Variants in LMX1A observed in about 807,000 individuals in gnomAD.
LMX1A encodes the protein LIM homeobox transcription factor 1-alpha.
LMX1A carries 15 observed loss-of-function variants against 49.1 expected under a neutral mutation model. The ratio of observed to expected loss-of-function variants is 0.31; its 90% CI spans 0.20 to 0.47. The LOEUF is 0.47. LMX1A is among the 20% of genes least tolerant of loss of function. The pLI is 1.00. For synonymous variants in LMX1A, 167 were observed against 185.7 expected (o/e 0.90, Z 0.82); for missense variants, 372 against 475.8 (o/e 0.78, Z 2.03).
At chr1:165,338,306 C>T (rs1655964914) in intron 3 of LMX1A, among the ~76,000 whole-genome samples, 1 of 152,184 alleles carries the variant, frequency 6.6e-6, no homozygotes, top group South Asian at 2.1e-4. Context: ...CAGGGCAAAG[C>T]TGAAATCACT....
chr1:165,214,358 T>C (rs959234526), intron 4 of LMX1A, among the ~76,000 whole-genome samples: 2 of 152,254 alleles, frequency 1.3e-5, no homozygotes, highest in Non-Finnish European at 2.9e-5. Context: ...CATGCAGAAC[T>C]GCAAGTCAAT....
chr1:165,213,501 C>T (rs1651509496), intron 5 of LMX1A, 140 bp downstream of exon 5: 2 of 764,638 alleles, frequency 2.6e-6, no homozygotes, highest in Non-Finnish European at 4.3e-6. Context: ...CTCCAACAGG[C>T]TTGAGCCGCC....
At chr1:165,224,371 A>G (rs571778223) in intron 4 of LMX1A, among the ~76,000 whole-genome samples, 1 of 152,320 alleles carries the variant, frequency 6.6e-6, no homozygotes, top group South Asian at 2.1e-4. Flanking sequence ...AGACTAATAC[A>G]GCAAAAATTC....
chr1:165,263,606 G>A (rs1489697904), intron 3 of LMX1A, among the ~76,000 whole-genome samples: 1 of 152,134 alleles, frequency 6.6e-6, no homozygotes, highest in Non-Finnish European at 1.5e-5. Flanking sequence ...TTCCTCAATG[G>A]ACCACTTGCT....
intron 3 of LMX1A, among the ~76,000 whole-genome samples, chr1:165,263,342 T>C (rs74118538): frequency 0.031 from 4,707 of 152,230 alleles, 232 homozygotes; most frequent in African/African-American, 0.11. Flanking sequence ...CCCACCTCAC[T>C]CTGGCTCCAA....
chr1:165,242,946 AAC>A lies in LMX1A; in HGVS notation c.496+6460_496+6461del, dbSNP rs1440280855. 7.4e-4 allele frequency among the ~76,000 whole-genome samples: 105 copies of A among 142,574 alleles called. 3 individuals are homozygous for A. The highest frequency in any genetic ancestry group is 1.9e-3 in the East Asian group (9 of 4,616). The allele number at this position is 142,574 out of a possible 152,430, so 93.5% of individuals were successfully genotyped here. ...CTCCACCTCAAAAAAAAAAAAAAAA[AAC>A]AAAACAAAAACATAAAACAACTAAT... On this transcript the variant is annotated intron_variant, in intron 4 of 8. Transcript: ENST00000342310.
chr1:165,301,856 T>C (rs1207453872), intron 3 of LMX1A, among the ~76,000 whole-genome samples: 1 of 152,218 alleles, frequency 6.6e-6, no homozygotes, highest in Non-Finnish European at 1.5e-5. Context: ...AGGTGAAGTA[T>C]TTCCTTGTGA....
chr1:165,330,910 C>A (rs1040932252), intron 3 of LMX1A, among the ~76,000 whole-genome samples: 6 of 152,192 alleles, frequency 3.9e-5, no homozygotes, highest in African/African-American at 1.4e-4. Context: ...TAGTCCAATT[C>A]AGGATCAAAG....
chr1:165,351,422 C>G (rs1056097870), intron 3 of LMX1A, among the ~76,000 whole-genome samples: 1 of 152,170 alleles, frequency 6.6e-6, no homozygotes, highest in Non-Finnish European at 1.5e-5. Context: ...ATTTAACTAC[C>G]TAAAAATTAC....
At chr1:165,264,147 TA>T (rs540383019) in intron 3 of LMX1A, among the ~76,000 whole-genome samples, 2 of 150,646 alleles carry the variant, frequency 1.3e-5, no homozygotes, top group Admixed American at 6.6e-5. Flanking sequence ...TGGGTAAAAA[TA>T]AAAAAAAACA....
At chr1:165,284,538 G>A (rs1224642533) in intron 3 of LMX1A, among the ~76,000 whole-genome samples, 7 of 152,278 alleles carry the variant, frequency 4.6e-5, no homozygotes, top group African/African-American at 9.6e-5. Flanking sequence ...TACAGCTAGC[G>A]GCATTTTACA....
In LMX1A at chr1:165,217,341, T is replaced by C. The variant is rs1651678979; in HGVS notation, c.497-3528A>G. ...GCTGTACTCAGCCTTGCCTGGGACA[T>C]GTGTACATCCCCCAAAGAACTGCTG... is the stretch of plus-strand genomic sequence containing the variant. On this transcript the variant is annotated intron_variant, in intron 4 of 8. Transcript: ENST00000342310. Among the ~76,000 whole-genome samples, 3 of 152,102 alleles carry C rather than the reference T, an allele frequency of 2.0e-5. No individual in the cohort carries two copies. In the South Asian group the frequency reaches 6.2e-4, roughly 32 times the overall value.
chr1:165,206,986 G>C (rs1651110685), intron 7 of LMX1A, among the ~76,000 whole-genome samples: 1 of 152,016 alleles, frequency 6.6e-6, no homozygotes, highest in Non-Finnish European at 1.5e-5. Flanking sequence ...GAGGATAAGA[G>C]GCTCTGTTGA....
chr1:165,266,897 GGCTTGCTTGCTTGCTT>G (rs139379825), intron 3 of LMX1A, among the ~76,000 whole-genome samples: 1 of 151,490 alleles, frequency 6.6e-6, no homozygotes, highest in Admixed American at 6.6e-5. Flanking sequence ...CACTGTGCCC[GGCTTGCTTGCTTGCTT>G]GCTTGCTTGC....
chr1:165,241,702 C>T (rs370800677), intron 4 of LMX1A, among the ~76,000 whole-genome samples: 2 of 152,148 alleles, frequency 1.3e-5, no homozygotes, highest in African/African-American at 4.8e-5. Flanking sequence ...AAGAGTTGGG[C>T]ATTTTCTAGA....
intron 5 of LMX1A, chr1:165,212,898 G>A (rs1651471227): frequency 6.6e-6 from 1 of 152,164 alleles, no homozygotes. Flanking sequence ...AATGATTTGA[G>A]CAACCCCTGG....
chr1:165,237,609 C>T (rs1652498496), intron 4 of LMX1A, among the ~76,000 whole-genome samples: 2 of 152,260 alleles, frequency 1.3e-5, no homozygotes, highest in Admixed American at 6.5e-5. Context: ...CCAAGCATGC[C>T]TCCAGGTTCC....
chr1:165,340,134 G>T (rs1420205461), intron 3 of LMX1A, among the ~76,000 whole-genome samples: 1 of 152,084 alleles, frequency 6.6e-6, no homozygotes, highest in African/African-American at 2.4e-5. Flanking sequence ...TTGAGACAGG[G>T]TCTTGCTCTG....
intron 4 of LMX1A, among the ~76,000 whole-genome samples, chr1:165,247,421 T>C (rs1244611378): frequency 6.6e-6 from 1 of 152,144 alleles, no homozygotes; most frequent in East Asian, 1.9e-4. Context: ...TAAATTGGCC[T>C]TTCTATACCA....
Sources: gnomAD v4.1 joint callset for allele counts (sites outside exome capture counted in the v4.1 genomes callset) on GRCh38, gnomAD v4.1.1 for gene constraint, MANE v1.5 for transcripts, NCBI Gene and HGNC (gene_info 2026-07-23, HGNC 2026-07-21) for gene names.